Variants in LRP2 observed in about 807,000 individuals in gnomAD.
LRP2 encodes the protein LDL receptor related protein 2.
Under a neutral mutation model 531.0 loss-of-function variants are expected in LRP2, and 172 were observed. The observed-to-expected ratio is 0.32, with a 90% CI of 0.29 to 0.37. LRP2 has a LOEUF of 0.37. LRP2 is among the 10% of genes least tolerant of loss of function. The pLI, the probability that LRP2 is intolerant of heterozygous loss-of-function variation, is 1.00. For missense variants in LRP2, 5,167 were observed against 5,868.3 expected (o/e 0.88, Z 3.90); for synonymous variants, 1,992 against 2,027.6 (o/e 0.98, Z 0.47).
Position 169,294,707 on chromosome 2 carries a change from TAC to T in LRP2, c.429_430del (p.Tyr144ProfsTer4). On this transcript the variant is annotated frameshift_variant and splice_region_variant, in exon 5 of 79. Coordinates refer to ENST00000649046, the MANE Select transcript of LRP2 (RefSeq NM_004525.3). LOFTEE classifies it high-confidence loss of function. ...ACAAGTAAGCTGCTCACATGTTGGG[TAC>T]TCTATTGTAAAAAAAAAAAAAAAAA... 9.3e-7 allele frequency: 1 copy of T among 1,080,892 alleles called. No homozygotes were observed. The highest frequency in any genetic ancestry group is 1.4e-6 in the Non-Finnish European group (1 of 740,408). The allele number at this position is 1,080,892 out of a possible 1,614,324, so 67.0% of individuals were successfully genotyped here.
chr2:169,151,988 G>C lies in LRP2; in HGVS notation c.12461+811C>G, dbSNP rs115382013. Among the ~76,000 whole-genome samples, 946 of 152,304 alleles carry C rather than the reference G, an allele frequency of 6.2e-3. 9 individuals are homozygous for C. The highest frequency in any genetic ancestry group is 0.022 in the African/African-American group (898 of 41,570). ...GAAAATAACTATCCATTCTCCAGGAGAGTAGTGTCTCCTGAACCTTCCCCC... is the reference window on the plus strand; with the variant it reads ...GAAAATAACTATCCATTCTCCAGGACAGTAGTGTCTCCTGAACCTTCCCCC... On this transcript the variant is annotated intron_variant, in intron 67 of 78. Coordinates refer to ENST00000649046, the MANE Select transcript of LRP2 (RefSeq NM_004525.3).
intron 24 of LRP2, 101 bp downstream of exon 24, chr2:169,242,855 G>A (rs1402749629): frequency 1.1e-6 from 1 of 872,794 alleles, no homozygotes; most frequent in East Asian, 2.4e-5. Flanking sequence ...CTTTCCCCCA[G>A]TTTGTCTGAG....
rs753649984 is a variant in LRP2, at chr2:169,283,000, C to T, written c.1044G>A (p.Glu348=). The change falls in exon 10 of 79, where the codon GAG becomes GAA. Residue 348 remains glutamate (E), a splice_region_variant and synonymous_variant. Transcript: ENST00000649046. Reference sequence around the variant, plus strand: ...TTCCCCATATCTGGCAATCATCAAACTCTGCCATATGGAAAATACACATTT... The same window carrying T: ...TTCCCCATATCTGGCAATCATCAAATTCTGCCATATGGAAAATACACATTT... ...INHNDSRTCV[E]FDDCQIWGIC... 1.5e-5 allele frequency: 24 copies of T among 1,613,962 alleles called. No homozygotes were observed. The highest frequency in any genetic ancestry group is 1.9e-5 in the Non-Finnish European group (22 of 1,179,904).
intron 25 of LRP2, 95 bp from the exon 26 acceptor site, chr2:169,239,870 C>T (rs1689742407): frequency 9.3e-7 from 1 of 1,073,648 alleles, no homozygotes; most frequent in African/African-American, 1.6e-5. Context: ...AGTCTCATGC[C>T]ACCTTCAATA....
intron 4 of LRP2, among the ~76,000 whole-genome samples, chr2:169,304,106 G>A (rs529323537): frequency 3.3e-5 from 5 of 152,252 alleles, no homozygotes; most frequent in African/African-American, 1.2e-4. Flanking sequence ...CAAACATTCT[G>A]TTTCAGCTGA....
In LRP2 at chr2:169,271,066, G is replaced by C. The variant is rs1194431241; in HGVS notation, c.2158C>G (p.Arg720Gly). 6.2e-7 allele frequency: 1 copy of C among 1,613,022 alleles called. No individual in the cohort carries two copies. ...FLIFSSQVAIRGIPFTLSTQE... is the reference protein window; with the variant it reads ...FLIFSSQVAIGGIPFTLSTQE... The stretch of plus-strand genomic sequence containing the variant: ...GTAGACAAGGTGAACGGGATCCCAC[G>C]AATAGCAACTTGGGATGAAAAAATG... The change falls in exon 16 of 79, where the codon CGT becomes GGT. Residue 720 changes from arginine (R) to glycine (G), a missense_variant. Arg to Gly is a moderately radical substitution (Grantham distance 125). Transcript: ENST00000649046.
intron 1 of LRP2, among the ~76,000 whole-genome samples, chr2:169,323,678 C>T (rs1438779819): frequency 1.3e-5 from 2 of 149,604 alleles, no homozygotes; most frequent in African/African-American, 2.5e-5. Context: ...GAGCCACCCA[C>T]AGGGAGAAAA....
chr2:169,182,229 C>T lies in LRP2; in HGVS notation c.9936G>A (p.Val3312=). The T allele has an allele frequency of 6.2e-7, 1 of 1,614,150 alleles. No individual in the cohort carries two copies. The highest frequency in any genetic ancestry group is 8.5e-7 in the Non-Finnish European group (1 of 1,180,006). The change falls in exon 51 of 79, where the codon GTG becomes GTA. Residue 3312 remains valine (V), a synonymous_variant. Coordinates refer to ENST00000649046, the MANE Select transcript of LRP2 (RefSeq NM_004525.3). Reference sequence around the variant, plus strand: ...CAAAGCAGAAGGTGTTGTTGGCATCCACACAGTGCTGGGCCAGCATGCGGC... The same window carrying T: ...CAAAGCAGAAGGTGTTGTTGGCATCTACACAGTGCTGGGCCAGCATGCGGC... ...GHRRMLAQHC[V]DANNTFCFDN... is the part of the protein sequence containing the mutation.
In LRP2 at chr2:169,239,520, C is replaced by A; in HGVS notation, c.4294+7G>T. 1 of 1,614,018 alleles carries A rather than the reference C, an allele frequency of 6.2e-7. No homozygotes were observed. Among genetic ancestry groups the A allele is most frequent in the Non-Finnish European group, 8.5e-7 (1 of 1,179,898 alleles). On this transcript the variant is annotated splice_region_variant and intron_variant, in intron 26 of 78. Coordinates refer to ENST00000649046, the MANE Select transcript of LRP2 (RefSeq NM_004525.3). Reference sequence around the variant, plus strand: ...GATAAACTGGCTCGGGTTAGTTCAGCAATTACCTGTAACTTTGCAAGTCCT... The same window carrying A: ...GATAAACTGGCTCGGGTTAGTTCAGAAATTACCTGTAACTTTGCAAGTCCT...
chr2:169,178,475 C>T (rs1287612448), intron 52 of LRP2, among the ~76,000 whole-genome samples: 1 of 152,180 alleles, frequency 6.6e-6, no homozygotes, highest in African/African-American at 2.4e-5. Context: ...TTCTCATTAA[C>T]ATTCCGGAGG....
In LRP2 at chr2:169,242,975, G is replaced by T; in HGVS notation, c.3648C>A (p.Asn1216Lys). ...ACTTACGACAGCCTGCTTCATCCGAGTTGTCACTGCAATCAAAAACACCAT... is the reference window on the plus strand; with the variant it reads ...ACTTACGACAGCCTGCTTCATCCGATTTGTCACTGCAATCAAAAACACCAT... ...RCDGVFDCSD[N>K]SDEAGCPTRP... The change falls in exon 24 of 79, where the codon AAC (asparagine) becomes AAA (lysine). Residue 1216 changes from asparagine to lysine, a missense_variant. By Grantham distance (94) the Asn-to-Lys change is moderately conservative (BLOSUM62 0). Transcript: ENST00000649046. The T allele has an allele frequency of 6.2e-7, 1 of 1,613,850 alleles. No homozygotes were observed. Among genetic ancestry groups the T allele is most frequent in the South Asian group, 1.1e-5 (1 of 91,058 alleles).
chr2:169,279,736 TTAAA>T (rs1683650887), intron 11 of LRP2, 141 bp from the exon 12 acceptor site: 5 of 630,190 alleles, frequency 7.9e-6, no homozygotes, highest in Non-Finnish European at 1.1e-5. Flanking sequence ...AAGTTATCAT[TTAAA>T]TAAATGAGAA....
In LRP2 at chr2:169,128,510, T is replaced by C. The variant is rs1277016295; in HGVS notation, c.*153A>G. The C allele has an allele frequency of 5.8e-6, 4 of 687,322 alleles. No homozygotes were observed. Among genetic ancestry groups the C allele is most frequent in the Non-Finnish European group, 9.9e-6 (4 of 403,432 alleles). The allele number at this position is 687,322 out of a possible 1,614,324, so 42.6% of individuals were successfully genotyped here. On this transcript the variant is annotated 3_prime_UTR_variant, in exon 79 of 79. Coordinates refer to ENST00000649046, the MANE Select transcript of LRP2 (RefSeq NM_004525.3). Reference sequence around the variant, plus strand: ...TTGTAAAAATATGAGACGGCATAAGTAAAAAAAGACACACAGGATACCTCC... The same window carrying C: ...TTGTAAAAATATGAGACGGCATAAGCAAAAAAAGACACACAGGATACCTCC...
chr2:169,192,701 A>G (rs1687872383), intron 47 of LRP2, among the ~76,000 whole-genome samples: 2 of 152,246 alleles, frequency 1.3e-5, no homozygotes, highest in African/African-American at 4.8e-5. Flanking sequence ...AAATAAAAGA[A>G]CAGGGGTTTT....
intron 8 of LRP2, among the ~76,000 whole-genome samples, chr2:169,290,478 C>T (rs1271362535): frequency 6.6e-6 from 1 of 151,956 alleles, no homozygotes; most frequent in Non-Finnish European, 1.5e-5. Context: ...CTATTTCTTC[C>T]ATCCACTCTG....
In LRP2 at chr2:169,273,158, G is replaced by C. The variant is rs1029054928; in HGVS notation, c.1976-91C>G. The C allele has an allele frequency of 4.3e-6, 6 of 1,399,620 alleles. No homozygotes were observed. The South Asian group carries it at 6.9e-5, about 16-fold the overall frequency. 86.7% of individuals were successfully genotyped at this position (1,399,620 alleles called of 1,614,324 possible). A position where few individuals can be genotyped will look rare whatever the true frequency, so the allele number is the denominator to read the frequency against. On this transcript the variant is annotated intron_variant, in intron 14 of 78. Transcript: ENST00000649046. ...CACTTCTAGCCCTTTTCACCTATAGGTGAAATAGAGTAATGGATTAGCAAC... is the reference window on the plus strand; with the variant it reads ...CACTTCTAGCCCTTTTCACCTATAGCTGAAATAGAGTAATGGATTAGCAAC...
intron 16 of LRP2, among the ~76,000 whole-genome samples, chr2:169,264,119 A>G (rs1690692203): frequency 6.6e-6 from 1 of 152,130 alleles, no homozygotes; most frequent in African/African-American, 2.4e-5. Context: ...GAGGAGGGAT[A>G]GCATTGGGAG....
chr2:169,346,235 C>A (rs552157548), intron 1 of LRP2, among the ~76,000 whole-genome samples: 34 of 152,332 alleles, frequency 2.2e-4, no homozygotes, highest in Non-Finnish European at 4.6e-4. Context: ...CTCGTCTGCA[C>A]TGTTGGGTTT....
At chr2:169,151,996 T>A (rs4667594) in intron 67 of LRP2, among the ~76,000 whole-genome samples, 82,536 of 151,958 alleles carry the variant, frequency 0.54, 23,128 homozygotes, top group Admixed American at 0.64. Context: ...GAGAGTAGTG[T>A]CTCCTGAACC....
Sources: gnomAD v4.1 joint callset for allele counts (sites outside exome capture counted in the v4.1 genomes callset) on GRCh38, gnomAD v4.1.1 for gene constraint, MANE v1.5 for transcripts, NCBI Gene and HGNC (gene_info 2026-07-23, HGNC 2026-07-21) for gene names.